Variants in CLCA4 observed in about 807,000 individuals in gnomAD.
The protein encoded by CLCA4 is chloride channel accessory 4.
A neutral mutation model predicts 78.9 loss-of-function variants in CLCA4; 69 were observed. The ratio of observed to expected loss-of-function variants is 0.87; its 90% CI spans 0.72 to 1.07. The LOEUF is 1.07. CLCA4 is among the 50% of genes least tolerant of loss of function. CLCA4 has a pLI of 0.00. For missense variants in CLCA4, 1,133 were observed against 1,095.8 expected (o/e 1.03, Z -0.48); for synonymous variants, 362 against 375.8 (o/e 0.96, Z 0.42).
In CLCA4 at chr1:86,580,455, C is replaced by G; in HGVS notation, c.*110C>G. 2.8e-6 allele frequency: 2 copies of G among 722,224 alleles called. No homozygotes were observed. Among genetic ancestry groups the G allele is most frequent in the Non-Finnish European group, 4.0e-6 (2 of 501,382 alleles). 44.7% of individuals were successfully genotyped at this position (722,224 alleles called of 1,614,324 possible). On this transcript the variant is annotated 3_prime_UTR_variant, in exon 14 of 14. Coordinates refer to ENST00000370563, the MANE Select transcript of CLCA4 (RefSeq NM_012128.4). Reference sequence around the variant, plus strand: ...TCTTAAAATTCATCCCATGTGTGATCATAAACTCATAAAAATAATTTTAAG... The same window carrying G: ...TCTTAAAATTCATCCCATGTGTGATGATAAACTCATAAAAATAATTTTAAG...
chr1:86,575,252 T>C, intron 10 of CLCA4, 80 bp from the exon 11 acceptor site: 1 of 1,211,862 alleles, frequency 8.3e-7, no homozygotes, highest in Middle Eastern at 2.0e-4. Context: ...CATTATATAA[T>C]TTATTTTAGA....
chr1:86,579,326 A>T (rs751934387), intron 12 of CLCA4, 28 bp from the exon 13 acceptor site: 60 of 1,552,718 alleles, frequency 3.9e-5, no homozygotes, highest in Non-Finnish European at 5.1e-5. Context: ...AGTTTTGCCC[A>T]TTATAAACCA....
chr1:86,552,015 A>G (rs946726773), intron 1 of CLCA4, among the ~76,000 whole-genome samples: 3 of 152,122 alleles, frequency 2.0e-5, no homozygotes, highest in Admixed American at 6.5e-5. Context: ...ATACACTCAC[A>G]CTGTTGACAA....
chr1:86,560,460 AT>A (rs1259973492), intron 3 of CLCA4, 102 bp downstream of exon 3: 1 of 1,170,436 alleles, frequency 8.5e-7, no homozygotes, highest in Non-Finnish European at 1.2e-6. Flanking sequence ...CTAGAATCAA[AT>A]CCTGGCTCCC....
intron 7 of CLCA4, among the ~76,000 whole-genome samples, chr1:86,569,522 T>C (rs755421621): frequency 6.6e-6 from 1 of 152,044 alleles, no homozygotes; most frequent in Non-Finnish European, 1.5e-5. Flanking sequence ...AATCAATTTA[T>C]GTTCCAGGAA....
intron 7 of CLCA4, among the ~76,000 whole-genome samples, chr1:86,568,488 T>C (rs1003513455): frequency 6.6e-6 from 1 of 151,574 alleles, no homozygotes; most frequent in Non-Finnish European, 1.5e-5. Flanking sequence ...TAATATAAAT[T>C]ATGTCATTTT....
At chr1:86,556,039 T>C (rs2101794705) in intron 1 of CLCA4, among the ~76,000 whole-genome samples, 1 of 152,346 alleles carries the variant, frequency 6.6e-6, no homozygotes, top group South Asian at 2.1e-4. Flanking sequence ...TAGTGATTTT[T>C]GTACATTGAT....
Position 86,574,658 on chromosome 1 carries a change from G to T in CLCA4, c.1586G>T (p.Ser529Ile). ...ATCACATGGAACAGTCTGCCTCCCA[G>T]TATTTCTCTCTGGGATCCCAGTGGA... ...FLITWNSLPP[S>I]ISLWDPSGTI... is the part of the protein sequence containing the mutation. The change falls in exon 10 of 14, where the codon AGT becomes ATT. Residue 529 changes from serine (S) to isoleucine (I), a missense_variant. Transcript: ENST00000370563. 6.2e-7 allele frequency: 1 copy of T among 1,613,290 alleles called. No individual in the cohort carries two copies. Among genetic ancestry groups the T allele is most frequent in the Non-Finnish European group, 8.5e-7 (1 of 1,179,506 alleles).
chr1:86,574,391 A>G, intron 9 of CLCA4, 149 bp from the exon 10 acceptor site: 1 of 613,536 alleles, frequency 1.6e-6, no homozygotes, highest in Non-Finnish European at 2.9e-6. Context: ...GATAACTGTC[A>G]TATCATCACC....
intron 7 of CLCA4, among the ~76,000 whole-genome samples, chr1:86,569,926 A>G (rs1331690357): frequency 6.6e-6 from 1 of 152,018 alleles, no homozygotes; most frequent in Admixed American, 6.6e-5. Flanking sequence ...GGTGAAAGAG[A>G]GAACTCTGCT....
chr1:86,566,431 G>A (rs1385851443), intron 6 of CLCA4, among the ~76,000 whole-genome samples: 6 of 152,214 alleles, frequency 3.9e-5, no homozygotes, highest in African/African-American at 1.4e-4. Context: ...CTAGAATAAA[G>A]TTAATCACAT....
In CLCA4 at chr1:86,554,703, G is replaced by C. The variant is rs572882922; in HGVS notation, c.160-5229G>C. On this transcript the variant is annotated intron_variant, in intron 1 of 13. Coordinates refer to ENST00000370563, the MANE Select transcript of CLCA4 (RefSeq NM_012128.4). ...GGTGGAATGATTTATATTCCTCTGA[G>C]TGTATATCCAGTAATGGGATTGCTG... 3.9e-5 allele frequency among the ~76,000 whole-genome samples: 6 copies of C among 152,250 alleles called. No individual in the cohort carries two copies. The South Asian group carries it at 1.2e-3, about 32-fold the overall frequency.
At chr1:86,556,096 T>G (rs1649832573) in intron 1 of CLCA4, among the ~76,000 whole-genome samples, 1 of 152,198 alleles carries the variant, frequency 6.6e-6, no homozygotes, top group Non-Finnish European at 1.5e-5. Flanking sequence ...CTGAGGGAGC[T>G]TTTGGGCTGA....
rs370604596 is a variant in CLCA4 at position 86,574,861 on chromosome 1, T to C, written c.1683+106T>C. The C allele has an allele frequency of 2.5e-5, 20 of 801,360 alleles. No individual in the cohort carries two copies. In the East Asian group the frequency reaches 5.0e-4, roughly 20 times the overall value. The allele number at this position is 801,360 out of a possible 1,614,324, so 49.6% of individuals were successfully genotyped here. A position where few individuals can be genotyped will look rare whatever the true frequency, so the allele number is the denominator to read the frequency against. On this transcript the variant is annotated intron_variant, in intron 10 of 13. Transcript: ENST00000370563. The stretch of plus-strand genomic sequence containing the variant: ...CCAAAGGCTGTATCAACTTTAAAAT[T>C]AAGATAAAATAGTATGTACTTTCCA...
At chr1:86,551,703 G>C (rs775079692) in intron 1 of CLCA4, among the ~76,000 whole-genome samples, 2 of 152,160 alleles carry the variant, frequency 1.3e-5, no homozygotes, top group Non-Finnish European at 2.9e-5. Flanking sequence ...AGGCCTTCAG[G>C]AACACCGCCT....
intron 4 of CLCA4, among the ~76,000 whole-genome samples, chr1:86,565,009 T>G (rs575858511): frequency 1.8e-4 from 27 of 152,236 alleles, no homozygotes; most frequent in African/African-American, 6.5e-4. Flanking sequence ...TAAGCTTTAA[T>G]ACAAGGAGAG....
intron 4 of CLCA4, among the ~76,000 whole-genome samples, 196 bp downstream of exon 4, chr1:86,563,965 T>G (rs1002679932): frequency 6.6e-6 from 1 of 152,134 alleles, no homozygotes; most frequent in Non-Finnish European, 1.5e-5. Context: ...AAGCATTCAG[T>G]TGACAATTTA....
At chr1:86,574,377 A>G (rs1025256386) in intron 9 of CLCA4, among the ~76,000 whole-genome samples, 163 bp from the exon 10 acceptor site, 2 of 152,076 alleles carry the variant, frequency 1.3e-5, no homozygotes, top group Admixed American at 1.3e-4. Context: ...CTCACTTTTT[A>G]ATTGATAACT....
Position 86,579,987 on chromosome 1 carries a change from G to C in CLCA4, c.2402G>C (p.Arg801Thr). 1 of 1,605,308 alleles carries C rather than the reference G, an allele frequency of 6.2e-7. No homozygotes were observed. The highest frequency in any genetic ancestry group is 1.1e-5 in the South Asian group (1 of 89,548). ...ATAAGTGCAAGTATTCTTGATCTAA[G>C]AGACAGTTTTGATGATGCTCTTCAA... ...IRISASILDL[R>T]DSFDDALQVN... Residue 801 changes from arginine to threonine, a missense_variant, in exon 14 of 14, where the codon AGA (arginine) becomes ACA (threonine). Arg to Thr is a moderately conservative substitution (Grantham distance 71). Transcript: ENST00000370563.
Sources: allele counts gnomAD v4.1 joint callset (sites outside exome capture counted in the v4.1 genomes callset), GRCh38; gene constraint gnomAD v4.1.1; transcripts MANE v1.5; gene names NCBI Gene and HGNC (gene_info 2026-07-23, HGNC 2026-07-21).